The following ADORA2B variants were observed in gnomAD, a reference collection of about 807,000 sequenced individuals.
ADORA2B encodes the protein adenosine A2b receptor, also known as adenosine receptor A2b.
In ADORA2B, 18 loss-of-function variants were observed where a neutral mutation model predicts 20.8. The observed-to-expected ratio is 0.87, with a 90% CI of 0.60 to 1.29. The LOEUF (loss-of-function observed/expected upper bound fraction) is 1.29, where lower values mean the gene tolerates loss of function less well. ADORA2B is among the 50% of genes most tolerant of loss of function. The pLI is 0.00. For synonymous variants in ADORA2B, 179 were observed against 178.3 expected (o/e 1.00, Z -0.03); for missense variants, 441 against 422.7 (o/e 1.04, Z -0.38).
the ADORA2B span, among the ~76,000 whole-genome samples, chr17:15,857,011 C>G: frequency 6.6e-6 from 1 of 152,162 alleles, no homozygotes; most frequent in African/African-American, 2.4e-5. Flanking sequence ...CATCACAGGC[C>G]CAGTGACCTA....
At chr17:15,969,559 T>A (rs1484017877) in intron 1 of ADORA2B, among the ~76,000 whole-genome samples, 1 of 152,196 alleles carries the variant, frequency 6.6e-6, no homozygotes, top group Admixed American at 6.5e-5. Context: ...TTGATCTTTA[T>A]CCCACTCTTC....
chr17:15,907,320 G>A, the ADORA2B span, among the ~76,000 whole-genome samples: 1 of 152,006 alleles, frequency 6.6e-6, no homozygotes, highest in Admixed American at 6.6e-5. Context: ...AGCATCACCA[G>A]GAAGCAGAAT....
At chr17:15,928,362 T>TC in the ADORA2B span, among the ~76,000 whole-genome samples, 1 of 151,732 alleles carries the variant, frequency 6.6e-6, no homozygotes, top group South Asian at 2.1e-4. Flanking sequence ...TTTTTTTTTT[T>TC]CTGAAAGTAT....
the ADORA2B span, chr17:15,908,567 G>T: frequency 1.1e-5 from 2 of 189,464 alleles, no homozygotes; most frequent in South Asian, 2.3e-4. Flanking sequence ...CCTGAACACA[G>T]ACCGGCCTGA....
At chr17:15,967,996 G>A (rs1440354107) in intron 1 of ADORA2B, among the ~76,000 whole-genome samples, 2 of 152,174 alleles carry the variant, frequency 1.3e-5, no homozygotes, top group Non-Finnish European at 2.9e-5. Context: ...TCTAGGGGAG[G>A]GGCAGGACCC....
intron 1 of ADORA2B, among the ~76,000 whole-genome samples, chr17:15,973,307 T>C (rs942456766): frequency 1.3e-5 from 2 of 152,204 alleles, no homozygotes; most frequent in African/African-American, 2.4e-5. Flanking sequence ...CATCCTGATC[T>C]TTCTTACTCT....
the ADORA2B span, among the ~76,000 whole-genome samples, chr17:15,903,572 C>T: frequency 6.6e-6 from 1 of 152,222 alleles, no homozygotes; most frequent in Non-Finnish European, 1.5e-5. Flanking sequence ...CACCCACTGT[C>T]AAGCCTCCCA....
the ADORA2B span, among the ~76,000 whole-genome samples, chr17:15,881,195 G>A: frequency 2.6e-5 from 4 of 152,068 alleles, no homozygotes; most frequent in Non-Finnish European, 4.4e-5. Flanking sequence ...TCTGCCTCCC[G>A]GGTTCAAGTG....
chr17:15,954,602 T>A (rs1034377942), intron 1 of ADORA2B, among the ~76,000 whole-genome samples: 1 of 152,206 alleles, frequency 6.6e-6, no homozygotes, highest in Non-Finnish European at 1.5e-5. Flanking sequence ...GGTTCTTATA[T>A]GTCAAAAATG....
the ADORA2B span, among the ~76,000 whole-genome samples, chr17:15,888,846 ATATATTTTTTTTTTTT>A: frequency 6.8e-4 from 11 of 16,222 alleles, no homozygotes; most frequent in African/African-American, 5.7e-3. Context: ...ATATATATAT[ATATATTTTTTTTTTTT>A]TTTTTTTTTT....
the ADORA2B span, among the ~76,000 whole-genome samples, chr17:15,857,805 G>A: frequency 6.6e-6 from 1 of 152,098 alleles, no homozygotes; most frequent in Admixed American, 6.6e-5. Context: ...GCAGTGTGAA[G>A]TGGACTAATA....
the ADORA2B span, among the ~76,000 whole-genome samples, chr17:15,894,982 G>A: frequency 6.6e-6 from 1 of 152,118 alleles, no homozygotes; most frequent in African/African-American, 2.4e-5. Flanking sequence ...AGAAGCTAGC[G>A]ACTCCAAAAT....
the ADORA2B span, among the ~76,000 whole-genome samples, chr17:15,861,884 A>G: frequency 6.6e-6 from 1 of 152,186 alleles, no homozygotes; most frequent in Non-Finnish European, 1.5e-5. Context: ...GAAATTTCCC[A>G]TGACTCTGTC....
chr17:15,954,476 G>A (rs1969942920), intron 1 of ADORA2B, among the ~76,000 whole-genome samples: 1 of 152,230 alleles, frequency 6.6e-6, no homozygotes, highest in Admixed American at 6.5e-5. Context: ...GTGCCACACA[G>A]CCGCTAGGGC....
At chr17:15,926,967 T>G in the ADORA2B span, among the ~76,000 whole-genome samples, 2 of 152,044 alleles carry the variant, frequency 1.3e-5, no homozygotes. Context: ...CAAGACCCTG[T>G]CTCAAAAAAT....
intron 1 of ADORA2B, among the ~76,000 whole-genome samples, chr17:15,960,762 G>C (rs1426686814): frequency 2.0e-5 from 3 of 151,322 alleles, no homozygotes; most frequent in Non-Finnish European, 2.9e-5. Context: ...TGTAGTCCCA[G>C]CTACTCGGGA....
chr17:15,883,561 G>A, the ADORA2B span, among the ~76,000 whole-genome samples: 1 of 152,174 alleles, frequency 6.6e-6, no homozygotes, highest in Non-Finnish European at 1.5e-5. Flanking sequence ...AAGGTGGATG[G>A]GTAGATGCAG....
upstream of ADORA2B, among the ~76,000 whole-genome samples, chr17:15,942,957 C>T (rs541276178): frequency 1.3e-5 from 2 of 152,210 alleles, no homozygotes; most frequent in African/African-American, 4.8e-5. Context: ...GAAGCCTCCT[C>T]TAACCCTTTG....
chr17:15,898,218 T>C, the ADORA2B span, among the ~76,000 whole-genome samples: 1 of 152,144 alleles, frequency 6.6e-6, no homozygotes, highest in African/African-American at 2.4e-5. Context: ...AATGAGACCT[T>C]GTTGGAAGAT....
Sources: allele counts gnomAD v4.1 joint callset (sites outside exome capture counted in the v4.1 genomes callset), GRCh38; gene constraint gnomAD v4.1.1; transcripts MANE v1.5; gene names NCBI Gene and HGNC (gene_info 2026-07-23, HGNC 2026-07-21).